Variants in RUNX3 observed in about 807,000 individuals in gnomAD.
The protein encoded by RUNX3 is RUNX family transcription factor 3.
In RUNX3, 10 loss-of-function variants were observed where a neutral mutation model predicts 27.7. The ratio of observed to expected loss-of-function variants is 0.36; its 90% CI spans 0.22 to 0.61. The LOEUF is 0.61. RUNX3 is among the 20% of genes least tolerant of loss of function. The pLI is 0.72. For missense variants in RUNX3, 469 were observed against 629.5 expected, an observed-to-expected ratio of 0.75 and a Z score of 2.73; for synonymous variants, 270 against 269.2, an observed-to-expected ratio of 1.00 and a Z score of -0.03.
intron 2 of RUNX3, among the ~76,000 whole-genome samples, chr1:24,939,585 G>C (rs1208090015): frequency 2.6e-5 from 4 of 152,356 alleles, no homozygotes; most frequent in East Asian, 3.9e-4. Context: ...TCAGGGCTCA[G>C]AGCTTTGGAT....
At chr1:24,932,861 C>T (rs1030499419), upstream of RUNX3, among the ~76,000 whole-genome samples, 3 of 152,188 alleles carry the variant, frequency 2.0e-5, no homozygotes, top group African/African-American at 7.2e-5. Flanking sequence ...AGTTTCTCCC[C>T]AGTGGCCCCC....
chr1:24,906,496 A>C (rs926732909), intron 4 of RUNX3, among the ~76,000 whole-genome samples: 1 of 152,242 alleles, frequency 6.6e-6, no homozygotes, highest in African/African-American at 2.4e-5. Flanking sequence ...CCATGTCCCC[A>C]GCTCACTGAC....
chr1:24,944,086 G>A (rs909502098), intron 2 of RUNX3, among the ~76,000 whole-genome samples: 1 of 152,138 alleles, frequency 6.6e-6, no homozygotes, highest in African/African-American at 2.4e-5. Context: ...TAAAATGTGA[G>A]TACTCCTGGA....
intron 3 of RUNX3, 72 bp from the exon 4 acceptor site, chr1:24,907,489 G>T (rs769570997): frequency 1.1e-5 from 16 of 1,469,968 alleles, no homozygotes; most frequent in African/African-American, 1.4e-5. Flanking sequence ...GCCTCACTCT[G>T]CTGGGAAGTT....
intron 2 of RUNX3, among the ~76,000 whole-genome samples, chr1:24,946,367 C>T (rs1476393722): frequency 6.6e-6 from 1 of 151,994 alleles, no homozygotes; most frequent in Non-Finnish European, 1.5e-5. Flanking sequence ...TTATTATCTT[C>T]TTCTCTTCCC....
rs146766890 is a variant in RUNX3, at chr1:24,960,049, C to G, written c.58+4465G>C. On this transcript the variant is annotated intron_variant, in intron 2 of 6. Transcript: ENST00000338888. ...GTCACTCCTCCAGAGGACTTGTTCT[C>G]TCTTTCCCAAGGCTGGGCTAGTACC... Among the ~76,000 whole-genome samples the G allele has an allele frequency of 1.8e-4, 28 of 152,354 alleles. No individual in the cohort carries two copies. In the East Asian group the frequency reaches 5.4e-3, roughly 29 times the overall value.
At position 24,943,139 on chromosome 1, in the gene RUNX3, G is replaced by A. The variant is rs1285890139; in HGVS notation, c.59-13287C>T. Among the ~76,000 whole-genome samples the A allele has an allele frequency of 6.6e-6, 1 of 152,256 alleles. No individual in the cohort carries two copies. The highest frequency in any genetic ancestry group is 6.5e-5 in the Admixed American group (1 of 15,290). On this transcript the variant is annotated intron_variant, in intron 2 of 6. Coordinates refer to the RUNX3 transcript ENST00000338888. This position sits in a 1 kb window ranked among gnomAD's most constrained non-coding sequence, Gnocchi z 4.6. The stretch of plus-strand genomic sequence containing the variant: ...CCAGCCACCAGGCGGGACCAGCGCC[G>A]GGCAGACTGCCGGTTTTCCCAGGTG...
In RUNX3 at chr1:24,902,425, G is replaced by A; in HGVS notation, c.945C>T (p.Ala315=). 6.2e-7 allele frequency: 1 copy of A among 1,611,560 alleles called. No individual in the cohort carries two copies. The highest frequency in any genetic ancestry group is 8.5e-7 in the Non-Finnish European group (1 of 1,178,628). The change falls in exon 5 of 5, where the codon GCC becomes GCT. Residue 315 remains alanine, a synonymous_variant. Transcript: ENST00000308873. This position sits in a 1 kb window ranked among gnomAD's most constrained non-coding sequence, Gnocchi z 9.2. ...HTYLPPPYPG[A]PQNQSGPFQA... ...GGAAGGGCCCGCTCTGGTTCTGCGG[G>A]GCCCCCGGGTAGGGTGGCGGGAGGT...
At chr1:24,926,657 G>A (rs1641105181) in intron 2 of RUNX3, among the ~76,000 whole-genome samples, 1 of 152,204 alleles carries the variant, frequency 6.6e-6, no homozygotes, top group Non-Finnish European at 1.5e-5. Flanking sequence ...TATTGGTGAT[G>A]AAAAGCACGG....
upstream of RUNX3, among the ~76,000 whole-genome samples, chr1:24,932,697 C>T (rs1333263954): frequency 6.6e-6 from 1 of 152,220 alleles, no homozygotes; most frequent in Non-Finnish European, 1.5e-5. Context: ...CCTGCTTCCT[C>T]CCCATCCCGG....
At chr1:24,937,532 T>G (rs1641375702) in intron 2 of RUNX3, among the ~76,000 whole-genome samples, 1 of 152,206 alleles carries the variant, frequency 6.6e-6, no homozygotes, top group African/African-American at 2.4e-5. Context: ...TGGGCAGATG[T>G]GGAAAATTGA....
chr1:24,915,373 G>A (rs1019357615), intron 3 of RUNX3, among the ~76,000 whole-genome samples: 3 of 152,122 alleles, frequency 2.0e-5, no homozygotes, highest in African/African-American at 7.2e-5. Context: ...GCTGTGAGCC[G>A]AGATCTTGCC....
intron 1 of RUNX3, chr1:24,929,361 G>A: frequency 1.4e-6 from 1 of 698,892 alleles, no homozygotes. Context: ...CCAAAACCCA[G>A]GTGGAGCGGG....
chr1:24,942,084 T>C (rs769819113), intron 2 of RUNX3, among the ~76,000 whole-genome samples: 2 of 152,030 alleles, frequency 1.3e-5, no homozygotes, highest in African/African-American at 2.4e-5. Context: ...CCCTTTTAGC[T>C]CACGGAGGCC....
chr1:24,943,732 G>T lies in RUNX3; in HGVS notation c.59-13880C>A, dbSNP rs1641537218. Among the ~76,000 whole-genome samples the T allele has an allele frequency of 6.6e-6, 1 of 152,204 alleles. No individual in the cohort carries two copies. The highest frequency in any genetic ancestry group is 2.1e-4 in the South Asian group (1 of 4,826). On this transcript the variant is annotated intron_variant, in intron 2 of 6. Coordinates refer to the RUNX3 transcript ENST00000338888. This position sits in a 1 kb window ranked among gnomAD's most constrained non-coding sequence, Gnocchi z 4.6. ...TCATTCTTCCCCCAGGTCATCGTGGGACCTCCGCTGGTCCCTGAATGTCAG... is the reference window on the plus strand; with the variant it reads ...TCATTCTTCCCCCAGGTCATCGTGGTACCTCCGCTGGTCCCTGAATGTCAG...
At chr1:24,964,842 A>C in exon 1 of RUNX3, 15 of 768,878 alleles carry the variant, frequency 2.0e-5, no homozygotes, top group Admixed American at 3.2e-5. Flanking sequence ...GTACCCAAGA[A>C]TTTGGATTCC....
At chr1:24,953,402 GAA>G (rs553316885) in intron 2 of RUNX3, among the ~76,000 whole-genome samples, 14 of 70,474 alleles carry the variant, frequency 2.0e-4, no homozygotes, top group African/African-American at 6.3e-4. Context: ...AAAGAAAAAT[GAA>G]AAAAAAAAAA....
rs1309367316 is a variant in RUNX3 at position 24,900,199 on chromosome 1, T to C, written c.*1923A>G. On this transcript the variant is annotated 3_prime_UTR_variant, in exon 5 of 5. Transcript: ENST00000308873. ...CTTGGGTGCAGGGAGTCAGCAACTA[T>C]TTTGAGGAGATGGAGACTGTTTTTC... The C allele has an allele frequency of 6.6e-6, 1 of 152,262 alleles. No individual in the cohort carries two copies. The highest frequency in any genetic ancestry group is 1.5e-5 in the Non-Finnish European group (1 of 68,068). The allele number at this position is 152,262 out of a possible 1,614,324, so 9.4% of individuals were successfully genotyped here. A position where few individuals can be genotyped will look rare whatever the true frequency, so the allele number is the denominator to read the frequency against.
intron 3 of RUNX3, 27 bp from the exon 4 acceptor site, chr1:24,907,444 C>T (rs199877372): frequency 9.4e-6 from 15 of 1,596,502 alleles, no homozygotes; most frequent in South Asian, 8.9e-5. Flanking sequence ...GCCCATCAGC[C>T]GTTGCTTCCC....
Sources: allele counts gnomAD v4.1 joint callset (sites outside exome capture counted in the v4.1 genomes callset), GRCh38; gene constraint gnomAD v4.1.1; non-coding constraint Gnocchi (gnomAD v3.1); transcripts MANE v1.5; gene names NCBI Gene and HGNC (gene_info 2026-07-23, HGNC 2026-07-21).